SEMA5A: variants seen among roughly 807,000 people sequenced by gnomAD.
SEMA5A encodes semaphorin-5A.
In SEMA5A, 55 loss-of-function variants were observed where a neutral mutation model predicts 135.5. The observed-to-expected ratio is 0.41, with a 90% CI of 0.33 to 0.51. The LOEUF (loss-of-function observed/expected upper bound fraction) is 0.51, where lower values mean the gene tolerates loss of function less well. SEMA5A is among the 20% of genes least tolerant of loss of function. SEMA5A has a pLI of 0.37. For synonymous variants in SEMA5A, 580 were observed against 546.5 expected (o/e 1.06, Z -0.85); for missense variants, 1,290 against 1,419.9 (o/e 0.91, Z 1.47).
intron 5 of SEMA5A, among the ~76,000 whole-genome samples, chr5:9,252,965 C>T (rs1475869791): frequency 6.6e-6 from 1 of 152,122 alleles, no homozygotes; most frequent in Non-Finnish European, 1.5e-5. Context: ...TCTTCCTCAT[C>T]CCCAGCCTCA....
rs760775965 is a variant in SEMA5A at position 9,154,534 on chromosome 5, C to A, written c.1435G>T (p.Val479Leu). 1 of 1,612,508 alleles carries A rather than the reference C, an allele frequency of 6.2e-7. No individual in the cohort carries two copies. The highest frequency in any genetic ancestry group is 1.1e-5 in the South Asian group (1 of 91,006). Residue 479 changes from valine to leucine, a missense_variant, in exon 12 of 23, where the codon GTG (valine) becomes TTG (leucine). Transcript: ENST00000382496. ...SVLFVGLREH[V>L]VKIPLKRCQF... is the part of the protein sequence containing the mutation. ...CACCTCTTCAGGGGGATCTTGACCA[C>A]GTGCTCCCGCAGGCCCACGAACAGG... is the stretch of plus-strand genomic sequence containing the variant.
chr5:9,087,183 C>T (rs1398043973), intron 16 of SEMA5A, among the ~76,000 whole-genome samples: 1 of 152,194 alleles, frequency 6.6e-6, no homozygotes, highest in African/African-American at 2.4e-5. Flanking sequence ...CTCCCTAAAT[C>T]GGACCCCAAT....
chr5:9,284,888 T>G (rs926254348), intron 5 of SEMA5A, among the ~76,000 whole-genome samples: 8 of 152,134 alleles, frequency 5.3e-5, no homozygotes. Context: ...GAAGGATCCG[T>G]CCTGGCAGCC....
At chr5:9,350,818 A>G (rs1754080764) in intron 3 of SEMA5A, among the ~76,000 whole-genome samples, 1 of 152,168 alleles carries the variant, frequency 6.6e-6, no homozygotes, top group African/African-American at 2.4e-5. Flanking sequence ...GCTTTGCCCC[A>G]CATGCCTTTT....
At chr5:9,136,666 A>G in intron 12 of SEMA5A, 45 bp from the exon 13 acceptor site, 4 of 1,507,034 alleles carry the variant, frequency 2.7e-6, no homozygotes, top group Non-Finnish European at 2.8e-6. Flanking sequence ...CGCTTTACCC[A>G]TGATAAGATA....
At chr5:9,421,084 C>T (rs1007156569) in intron 2 of SEMA5A, among the ~76,000 whole-genome samples, 1 of 152,146 alleles carries the variant, frequency 6.6e-6, no homozygotes, top group African/African-American at 2.4e-5. Context: ...AAGCTCACTG[C>T]CTATTTCAGG....
intron 12 of SEMA5A, among the ~76,000 whole-genome samples, chr5:9,143,857 TAA>T (rs1359636772): frequency 2.0e-5 from 3 of 152,128 alleles, no homozygotes; most frequent in Non-Finnish European, 2.9e-5. Flanking sequence ...AGAACAAATA[TAA>T]AGTCTTTCTA....
At chr5:9,277,730 C>T (rs1395183687) in intron 5 of SEMA5A, among the ~76,000 whole-genome samples, 1 of 152,106 alleles carries the variant, frequency 6.6e-6, no homozygotes, top group Admixed American at 6.5e-5. Context: ...AAACCAAACA[C>T]CACATGTTCT....
At chr5:9,347,311 C>G (rs561695846) in intron 3 of SEMA5A, among the ~76,000 whole-genome samples, 2 of 152,300 alleles carry the variant, frequency 1.3e-5, no homozygotes, top group South Asian at 2.1e-4. Context: ...CATAGTATAC[C>G]TAACCCATTT....
intron 16 of SEMA5A, among the ~76,000 whole-genome samples, chr5:9,089,295 G>T (rs903937135): frequency 1.3e-5 from 2 of 152,128 alleles, no homozygotes; most frequent in African/African-American, 2.4e-5. Context: ...CATAACTTTT[G>T]TTCAATGGTG....
intron 13 of SEMA5A, among the ~76,000 whole-genome samples, chr5:9,124,211 G>A (rs1291995580): frequency 1.3e-5 from 2 of 152,102 alleles, no homozygotes; most frequent in African/African-American, 4.8e-5. Context: ...CTCAAGGGGA[G>A]GGCATGGCAT....
At chr5:9,499,120 T>C (rs1735455278) in intron 1 of SEMA5A, among the ~76,000 whole-genome samples, 1 of 152,164 alleles carries the variant, frequency 6.6e-6, no homozygotes, top group South Asian at 2.1e-4. Flanking sequence ...TGCCACCTGG[T>C]GGAACAAGGG....
chr5:9,215,624 G>C (rs1463489857), intron 8 of SEMA5A, among the ~76,000 whole-genome samples: 1 of 152,198 alleles, frequency 6.6e-6, no homozygotes, highest in Non-Finnish European at 1.5e-5. Context: ...AGGACTTGGA[G>C]AGTGCATGGC....
chr5:9,083,184 T>C (rs1252998188), intron 16 of SEMA5A, among the ~76,000 whole-genome samples: 6 of 152,228 alleles, frequency 3.9e-5, no homozygotes, highest in African/African-American at 9.7e-5. Flanking sequence ...TATTTGGAAC[T>C]CTTGGGTGTT....
intron 3 of SEMA5A, among the ~76,000 whole-genome samples, chr5:9,339,143 GAA>G (rs1753530349): frequency 6.6e-6 from 1 of 152,106 alleles, no homozygotes; most frequent in South Asian, 2.1e-4. Context: ...ATGGAACTAT[GAA>G]AAGTTATTAA....
chr5:9,259,730 C>T (rs1339819233), intron 5 of SEMA5A, among the ~76,000 whole-genome samples: 61 of 126,266 alleles, frequency 4.8e-4, no homozygotes, highest in East Asian at 9.6e-4. Flanking sequence ...ATCTCTGGGA[C>T]GCATTCAAAG....
chr5:9,115,422 G>C (rs1342782091), intron 15 of SEMA5A, among the ~76,000 whole-genome samples: 3 of 152,180 alleles, frequency 2.0e-5, no homozygotes, highest in Non-Finnish European at 2.9e-5. Flanking sequence ...AATTTATATG[G>C]AACAGTGATT....
chr5:9,240,865 C>T (rs1748155592), intron 5 of SEMA5A, among the ~76,000 whole-genome samples: 1 of 152,126 alleles, frequency 6.6e-6, no homozygotes, highest in Admixed American at 6.5e-5. Context: ...CTAACCCAAA[C>T]CTATCTTTAC....
chr5:9,474,661 A>C (rs1208197007), intron 1 of SEMA5A, among the ~76,000 whole-genome samples: 1 of 152,206 alleles, frequency 6.6e-6, no homozygotes, highest in Non-Finnish European at 1.5e-5. Flanking sequence ...TTGCAGAATC[A>C]TTTCCATTGT....
Sources: allele counts gnomAD v4.1 joint callset (sites outside exome capture counted in the v4.1 genomes callset), GRCh38; gene constraint gnomAD v4.1.1; transcripts MANE v1.5; gene names NCBI Gene and HGNC (gene_info 2026-07-23, HGNC 2026-07-21).